The following DLGAP2 variants were observed in gnomAD, a reference collection of about 807,000 sequenced individuals.
DLGAP2 encodes the protein disks large-associated protein 2.
DLGAP2 carries 26 observed loss-of-function variants against 100.3 expected under a neutral mutation model. The ratio of observed to expected loss-of-function variants is 0.26; its 90% CI spans 0.19 to 0.36. The LOEUF (loss-of-function observed/expected upper bound fraction) is 0.36. Among genes scored for constraint, DLGAP2 ranks in the 10% least tolerant of loss-of-function variants. The pLI is 1.00. For missense variants in DLGAP2, 1,858 were observed against 1,453.2 expected (o/e 1.28, Z -4.53); for synonymous variants, 886 against 630.1 (o/e 1.41, Z -6.08).
intron 2 of DLGAP2, among the ~76,000 whole-genome samples, chr8:1,123,109 C>A (rs1364632305): frequency 6.6e-6 from 1 of 152,226 alleles, no homozygotes; most frequent in Non-Finnish European, 1.5e-5. Flanking sequence ...AAATATCTCA[C>A]ATTTCAGAGA....
chr8:1,328,505 T>G (rs946404006), intron 3 of DLGAP2, among the ~76,000 whole-genome samples: 2 of 151,818 alleles, frequency 1.3e-5, no homozygotes, highest in Admixed American at 1.3e-4. Flanking sequence ...TTTTTTTGTT[T>G]GTTTGTTTGT....
intron 4 of DLGAP2, among the ~76,000 whole-genome samples, chr8:1,537,006 T>G (rs1801174640): frequency 6.6e-6 from 1 of 151,988 alleles, no homozygotes; most frequent in Admixed American, 6.6e-5. Context: ...GTACAATGAT[T>G]ACGGGCCCTT....
chr8:764,879 C>G (rs1208289496), intron 1 of DLGAP2, among the ~76,000 whole-genome samples: 1 of 152,172 alleles, frequency 6.6e-6, no homozygotes, highest in African/African-American at 2.4e-5. Flanking sequence ...CCTATAAATC[C>G]AGATGTTTCA....
In DLGAP2 at chr8:1,227,180, G is replaced by T. The variant is rs188934577; in HGVS notation, c.74-31671G>T. 4.0e-3 allele frequency among the ~76,000 whole-genome samples: 256 copies of T among 63,936 alleles called. 1 individual carries two copies. Among genetic ancestry groups the T allele is most frequent in the African/African-American group, 0.013 (142 of 10,938 alleles). The allele number at this position is 63,936 out of a possible 152,430, so 41.9% of individuals were successfully genotyped here. ...TATATATATATATATATATAGTATAGATATATATTATCCATTCATTTTTAA... is the reference window on the plus strand; with the variant it reads ...TATATATATATATATATATAGTATATATATATATTATCCATTCATTTTTAA... On this transcript the variant is annotated intron_variant, in intron 2 of 14. Coordinates refer to ENST00000637795, the MANE Select transcript of DLGAP2 (RefSeq NM_001346810.2).
At chr8:1,175,040 G>A (rs13275464) in intron 2 of DLGAP2, among the ~76,000 whole-genome samples, 76,323 of 151,950 alleles carry the variant, frequency 0.5, 20,208 homozygotes, top group Admixed American at 0.62. Flanking sequence ...GAGTTTGGAT[G>A]GAACTCAAAA....
chr8:1,668,484 G>A lies in DLGAP2; in HGVS notation c.1966G>A (p.Asp656Asn), dbSNP rs370770474. ...ACAGAGGATGTCCCCGTGGCCCCAG[G>A]ACAGCCGCGGCCTCTACAACTCCAC... ...RAQRMSPWPQ[D>N]SRGLYNSTDS... Residue 656 changes from aspartate to asparagine, a missense_variant, in exon 9 of 15, where the codon GAC (aspartate) becomes AAC (asparagine). Transcript: ENST00000637795. 1.9e-6 allele frequency: 3 copies of A among 1,593,284 alleles called. No homozygotes were observed. The highest frequency in any genetic ancestry group is 2.6e-6 in the Non-Finnish European group (3 of 1,170,940).
chr8:1,282,391 A>G (rs1226700909), intron 3 of DLGAP2, among the ~76,000 whole-genome samples: 13 of 112,898 alleles, frequency 1.2e-4, no homozygotes, highest in African/African-American at 2.1e-4. Flanking sequence ...TGAAGCATCC[A>G]GACGTGGTGT....
chr8:922,908 T>C (rs1798744145), intron 2 of DLGAP2, among the ~76,000 whole-genome samples: 2 of 152,154 alleles, frequency 1.3e-5, no homozygotes, highest in Non-Finnish European at 2.9e-5. Flanking sequence ...AAAATGTTTC[T>C]TGAGGGGAAA....
At chr8:834,490 C>A (rs550019646) in intron 1 of DLGAP2, among the ~76,000 whole-genome samples, 59 of 152,328 alleles carry the variant, frequency 3.9e-4, no homozygotes, top group African/African-American at 1.3e-3. Flanking sequence ...AGAATTAGTG[C>A]TATTCAGCTT....
At chr8:1,572,611 A>G (rs1802774740) in intron 6 of DLGAP2, among the ~76,000 whole-genome samples, 1 of 110,362 alleles carries the variant, frequency 9.1e-6, no homozygotes, top group East Asian at 3.1e-4. Flanking sequence ...GGAGAGGGTG[A>G]ACTGTGGGGG....
At chr8:858,593 G>A (rs1797328420) in intron 1 of DLGAP2, among the ~76,000 whole-genome samples, 2 of 149,050 alleles carry the variant, frequency 1.3e-5, no homozygotes, top group Admixed American at 1.3e-4. Flanking sequence ...GTGTGACGCT[G>A]TCACCGTGGG....
At chr8:1,046,062 T>C (rs1802505949) in intron 2 of DLGAP2, among the ~76,000 whole-genome samples, 2 of 152,184 alleles carry the variant, frequency 1.3e-5, no homozygotes, top group Admixed American at 1.3e-4. Context: ...GATTTTTCTA[T>C]TGAGTCACGG....
intron 3 of DLGAP2, among the ~76,000 whole-genome samples, chr8:1,453,804 T>C (rs1798229858): frequency 6.6e-6 from 1 of 152,214 alleles, no homozygotes; most frequent in African/African-American, 2.4e-5. Context: ...CCATAAGGCA[T>C]CATGCAAGAA....
intron 2 of DLGAP2, among the ~76,000 whole-genome samples, chr8:1,134,035 C>T (rs1337386565): frequency 1.3e-5 from 2 of 151,916 alleles, no homozygotes; most frequent in Admixed American, 1.3e-4. Context: ...GATGTTGGTC[C>T]CCTTTATGCA....
At chr8:1,434,110 G>A (rs556256801) in intron 3 of DLGAP2, among the ~76,000 whole-genome samples, 1 of 152,286 alleles carries the variant, frequency 6.6e-6, no homozygotes, top group East Asian at 1.9e-4. Flanking sequence ...TGCAGGTGGA[G>A]CATGGAGACG....
intron 3 of DLGAP2, among the ~76,000 whole-genome samples, chr8:1,316,435 A>G (rs374120903): frequency 0.038 from 4,646 of 123,412 alleles, 66 homozygotes; most frequent in Non-Finnish European, 0.06. Flanking sequence ...TCTCTCCAAC[A>G]GTGGTCTACA....
chr8:1,458,458 T>A (rs1162774683), intron 3 of DLGAP2, among the ~76,000 whole-genome samples: 1 of 152,188 alleles, frequency 6.6e-6, no homozygotes, highest in Non-Finnish European at 1.5e-5. Flanking sequence ...CTTCACTGTT[T>A]TTGACCTTCA....
chr8:740,285 C>G (rs188377858), intron 1 of DLGAP2: 1 of 152,186 alleles, frequency 6.6e-6, no homozygotes, highest in African/African-American at 2.4e-5. Context: ...TATTCAATGT[C>G]TATTTGTTAT....
intron 3 of DLGAP2, among the ~76,000 whole-genome samples, chr8:1,371,008 C>T (rs1802223640): frequency 6.6e-6 from 1 of 152,238 alleles, no homozygotes. Context: ...GTTTATGTGT[C>T]AGCCACTTCT....
Sources: gnomAD v4.1 joint callset for allele counts (sites outside exome capture counted in the v4.1 genomes callset) on GRCh38, gnomAD v4.1.1 for gene constraint, MANE v1.5 for transcripts, NCBI Gene and HGNC (gene_info 2026-07-23, HGNC 2026-07-21) for gene names.